KCNT2: variants seen among roughly 807,000 people sequenced by gnomAD.
KCNT2 encodes the protein potassium sodium-activated channel subfamily T member 2, also known as potassium channel subfamily T member 2.
A neutral mutation model predicts 153.8 loss-of-function variants in KCNT2; 67 were observed. The ratio of observed to expected loss-of-function variants is 0.44; its 90% CI spans 0.36 to 0.53. KCNT2 has a LOEUF of 0.53. Ranked by LOEUF, KCNT2 falls within the 20% of genes least tolerant of loss-of-function variation. The pLI is 0.00. For missense variants in KCNT2, 975 were observed against 1,354.8 expected (o/e 0.72, Z 4.40); for synonymous variants, 500 against 458.8 (o/e 1.09, Z -1.15).
chr1:196,538,972 T>A (rs1017568646), intron 1 of KCNT2, among the ~76,000 whole-genome samples: 5 of 152,230 alleles, frequency 3.3e-5, no homozygotes, highest in Non-Finnish European at 7.3e-5. Flanking sequence ...TTGAATTTTT[T>A]AAAAATAACA....
At chr1:196,257,585 C>A in intron 26 of KCNT2, 1 of 923,912 alleles carries the variant, frequency 1.1e-6, no homozygotes, top group Non-Finnish European at 1.3e-6. Flanking sequence ...TGTATAATTG[C>A]ATTATTTAAG....
At chr1:196,553,371 T>A (rs1170139247) in intron 1 of KCNT2, among the ~76,000 whole-genome samples, 1 of 151,132 alleles carries the variant, frequency 6.6e-6, no homozygotes, top group Non-Finnish European at 1.5e-5. Flanking sequence ...CACCCAACAC[T>A]GGAAAACCCC....
At chr1:196,574,279 G>C (rs1302431826) in intron 1 of KCNT2, among the ~76,000 whole-genome samples, 1 of 151,694 alleles carries the variant, frequency 6.6e-6, no homozygotes, top group Admixed American at 6.6e-5. Flanking sequence ...CAACTTAAGA[G>C]TCTATCTTCA....
intron 27 of KCNT2, among the ~76,000 whole-genome samples, chr1:196,231,213 A>G (rs1362871276): frequency 1.3e-5 from 2 of 151,888 alleles, no homozygotes; most frequent in Non-Finnish European, 2.9e-5. Context: ...AAATTTTTAG[A>G]CATAATGCTT....
chr1:196,404,888 T>C (rs961966650), intron 12 of KCNT2, among the ~76,000 whole-genome samples: 1 of 151,666 alleles, frequency 6.6e-6, no homozygotes, highest in Admixed American at 6.6e-5. Flanking sequence ...AATGTGATAA[T>C]ATAAAGAGAA....
intron 21 of KCNT2, among the ~76,000 whole-genome samples, chr1:196,306,153 T>C (rs1257211910): frequency 6.6e-6 from 1 of 152,116 alleles, no homozygotes; most frequent in Non-Finnish European, 1.5e-5. Context: ...TTAAATATTT[T>C]GGTATTCTCT....
intron 8 of KCNT2, among the ~76,000 whole-genome samples, chr1:196,434,095 T>C (rs1348851588): frequency 6.6e-6 from 1 of 152,086 alleles, no homozygotes. Flanking sequence ...TCATAACAGT[T>C]TATTGGCTCA....
At chr1:196,589,959 T>G (rs931066631) in intron 1 of KCNT2, among the ~76,000 whole-genome samples, 1 of 152,162 alleles carries the variant, frequency 6.6e-6, no homozygotes. Context: ...GAACACATTT[T>G]TGTAGCCATT....
chr1:196,471,191 G>A (rs1012251261), intron 5 of KCNT2, among the ~76,000 whole-genome samples: 9 of 152,008 alleles, frequency 5.9e-5, no homozygotes, highest in Non-Finnish European at 1.3e-4. Flanking sequence ...ACAGGCATGA[G>A]CCATTGCGCC....
At chr1:196,461,019 GAAAAACTAATGTGAAAAAAAACA>G (rs1348607338) in intron 8 of KCNT2, among the ~76,000 whole-genome samples, 5 of 151,546 alleles carry the variant, frequency 3.3e-5, no homozygotes, top group Admixed American at 3.3e-4. Context: ...TACAATGTAA[GAAAAACTAATGTGAAAAAAAACA>G]AAAAACTAGG....
chr1:196,337,859 TA>T (rs1665187059), intron 16 of KCNT2, among the ~76,000 whole-genome samples: 1 of 152,158 alleles, frequency 6.6e-6, no homozygotes, highest in Non-Finnish European at 1.5e-5. Flanking sequence ...GTAATTTACT[TA>T]TTTTTTTATA....
chr1:196,577,685 A>T (rs1440365157), intron 1 of KCNT2, among the ~76,000 whole-genome samples: 3 of 152,186 alleles, frequency 2.0e-5, no homozygotes, highest in Non-Finnish European at 4.4e-5. Context: ...TTCCGAGAGC[A>T]CTGGTTAGAG....
intron 22 of KCNT2, among the ~76,000 whole-genome samples, chr1:196,294,436 C>A (rs1660493488): frequency 6.6e-6 from 1 of 151,972 alleles, no homozygotes; most frequent in Non-Finnish European, 1.5e-5. Flanking sequence ...CCACCATACC[C>A]AGTTAATTTT....
At chr1:196,409,833 CAT>C (rs1267904311) in intron 12 of KCNT2, among the ~76,000 whole-genome samples, 12 of 151,762 alleles carry the variant, frequency 7.9e-5, no homozygotes, top group African/African-American at 2.9e-4. Context: ...ATTTCTGAGT[CAT>C]ATGGCAATTC....
chr1:196,508,117 GGT>G (rs1681296016), intron 1 of KCNT2, among the ~76,000 whole-genome samples: 1 of 147,450 alleles, frequency 6.8e-6, no homozygotes, highest in Non-Finnish European at 1.5e-5. Context: ...TAACAGAGGT[GGT>G]ATGGCTGAAC....
At chr1:196,548,319 C>A (rs1294233808) in intron 1 of KCNT2, among the ~76,000 whole-genome samples, 1 of 151,712 alleles carries the variant, frequency 6.6e-6, no homozygotes, top group African/African-American at 2.4e-5. Context: ...AAGAAAAAAA[C>A]AAACAACCCC....
chr1:196,451,407 A>ACTTTTTTT (rs1491122191), intron 8 of KCNT2, among the ~76,000 whole-genome samples: 5 of 62,894 alleles, frequency 7.9e-5, no homozygotes, highest in Non-Finnish European at 1.1e-4. Flanking sequence ...CACCCAACAC[A>ACTTTTTTT]TTTTTTTTTT....
At chr1:196,237,925 G>A (rs1467831793) in intron 26 of KCNT2, among the ~76,000 whole-genome samples, 1 of 151,772 alleles carries the variant, frequency 6.6e-6, no homozygotes, top group Non-Finnish European at 1.5e-5. Context: ...AAGAAATTTT[G>A]ATTCATATGT....
intron 8 of KCNT2, among the ~76,000 whole-genome samples, chr1:196,431,065 C>A (rs917769705): frequency 5.9e-5 from 9 of 152,102 alleles, no homozygotes; most frequent in African/African-American, 2.2e-4. Context: ...GCTCTTCTGC[C>A]TTCTGCCATG....
Sources: allele counts gnomAD v4.1 joint callset (sites outside exome capture counted in the v4.1 genomes callset), GRCh38; gene constraint gnomAD v4.1.1; transcripts MANE v1.5; gene names NCBI Gene and HGNC (gene_info 2026-07-23, HGNC 2026-07-21).